PTPN14: variants seen among roughly 807,000 people sequenced by gnomAD.
The protein encoded by PTPN14 is tyrosine-protein phosphatase non-receptor type 14.
Under a neutral mutation model 126.8 loss-of-function variants are expected in PTPN14, and 53 were observed. The ratio of observed to expected loss-of-function variants is 0.42; its 90% CI spans 0.34 to 0.53. PTPN14 has a LOEUF of 0.53. Among genes scored for constraint, PTPN14 ranks in the 20% least tolerant of loss-of-function variants. The pLI, the probability that PTPN14 is intolerant of heterozygous loss-of-function variation, is 0.08. For missense variants in PTPN14, 1,257 were observed against 1,552.9 expected (o/e 0.81, Z 3.20); for synonymous variants, 630 against 599.3 (o/e 1.05, Z -0.75).
chr1:214,391,476 AG>A lies in PTPN14; in HGVS notation c.930-432del, dbSNP rs144163693. ...TTCCAGTCAAATGAAAATACAAAAT[AG>A]ATACAATATTTTTAGTGTGACCATA... On this transcript the variant is annotated intron_variant, in intron 10 of 18. Coordinates refer to ENST00000366956, the MANE Select transcript of PTPN14 (RefSeq NM_005401.5). Among the ~76,000 whole-genome samples, 966 of 152,310 alleles carry A rather than the reference AG, an allele frequency of 6.3e-3. 10 individuals carry two copies. Among genetic ancestry groups the A allele is most frequent in the African/African-American group, 0.022 (917 of 41,584 alleles).
intron 1 of PTPN14, among the ~76,000 whole-genome samples, chr1:214,494,830 G>C (rs928205915): frequency 2.0e-5 from 3 of 152,182 alleles, no homozygotes; most frequent in African/African-American, 7.2e-5. Flanking sequence ...AATATTCAAG[G>C]AAAAGGAAGA....
chr1:214,501,317 G>C (rs115575776), intron 1 of PTPN14, among the ~76,000 whole-genome samples: 6,390 of 152,170 alleles, frequency 0.042, 209 homozygotes, highest in Middle Eastern at 0.12. Context: ...TCAACTCAGT[G>C]CAACCTCCGC....
intron 11 of PTPN14, among the ~76,000 whole-genome samples, chr1:214,387,476 A>T (rs1469277176): frequency 6.6e-6 from 1 of 152,130 alleles, no homozygotes; most frequent in East Asian, 1.9e-4. Context: ...GTGCCACTGC[A>T]CTTCAGGTTG....
intron 4 of PTPN14, 36 bp from the exon 5 acceptor site, chr1:214,411,787 T>C: frequency 7.4e-7 from 1 of 1,355,132 alleles, no homozygotes; most frequent in South Asian, 1.3e-5. Context: ...CAGTATTTAT[T>C]ATATGAAATT....
At chr1:214,460,471 CCA>C (rs1280420708) in intron 2 of PTPN14, among the ~76,000 whole-genome samples, 3 of 144,924 alleles carry the variant, frequency 2.1e-5, no homozygotes, top group Admixed American at 1.4e-4. Flanking sequence ...AAATTCCCCT[CCA>C]CACACACACA....
chr1:214,523,958 T>TC (rs1266391536), intron 1 of PTPN14, among the ~76,000 whole-genome samples: 1 of 151,424 alleles, frequency 6.6e-6, no homozygotes, highest in Non-Finnish European at 1.5e-5. Flanking sequence ...CAAGTGATTC[T>TC]CCTGCCTCAG....
chr1:214,456,746 T>G (rs557196813), intron 2 of PTPN14, among the ~76,000 whole-genome samples: 1 of 152,292 alleles, frequency 6.6e-6, no homozygotes, highest in African/African-American at 2.4e-5. Flanking sequence ...CCACAATCTC[T>G]ATACCTAGAA....
intron 1 of PTPN14, chr1:214,529,455 G>T (rs1486300631): frequency 6.6e-6 from 1 of 152,252 alleles, no homozygotes; most frequent in Non-Finnish European, 1.5e-5. Flanking sequence ...ACACAAGTTG[G>T]CTATCTATTT....
chr1:214,415,868 GAGTT>G (rs1333325397), intron 3 of PTPN14, among the ~76,000 whole-genome samples: 1 of 152,150 alleles, frequency 6.6e-6, no homozygotes, highest in Non-Finnish European at 1.5e-5. Flanking sequence ...CAAACACTGG[GAGTT>G]ACTTAAAAAT....
In PTPN14 at chr1:214,400,415, A is replaced by G. The variant is rs1417915137; in HGVS notation, c.669+1270T>C. On this transcript the variant is annotated intron_variant, in intron 7 of 18. Coordinates refer to ENST00000366956, the MANE Select transcript of PTPN14 (RefSeq NM_005401.5). ...GCTTGGCAATAAGTCAGAAGCGCCTATCTTCCAACTCAGAGGAAGGTATTA... is the reference window on the plus strand; with the variant it reads ...GCTTGGCAATAAGTCAGAAGCGCCTGTCTTCCAACTCAGAGGAAGGTATTA... Among the ~76,000 whole-genome samples the G allele has an allele frequency of 7.9e-5, 12 of 152,338 alleles. No individual in the cohort carries two copies. In the East Asian group the frequency reaches 2.1e-3, roughly 27 times the overall value.
In PTPN14 at chr1:214,402,966, A is replaced by G. The variant is rs909427501; in HGVS notation, c.511-13T>C. ...CCAGGGCCAAATCCTATAAGAATAG[A>G]AAGTGCTTAAGGTCACATGAGGGTG... On this transcript the variant is annotated splice_polypyrimidine_tract_variant and intron_variant, in intron 5 of 18. Transcript: ENST00000366956. The G allele has an allele frequency of 6.2e-7, 1 of 1,613,526 alleles. No individual in the cohort carries two copies. The highest frequency in any genetic ancestry group is 8.5e-7 in the Non-Finnish European group (1 of 1,179,492).
At chr1:214,449,678 T>C (rs2102631551) in intron 3 of PTPN14, among the ~76,000 whole-genome samples, 1 of 152,284 alleles carries the variant, frequency 6.6e-6, no homozygotes, top group Non-Finnish European at 1.5e-5. Flanking sequence ...CTTGGATATG[T>C]GAATCAACTT....
At chr1:214,547,986 T>A (rs568048876) in intron 1 of PTPN14, among the ~76,000 whole-genome samples, 1 of 151,178 alleles carries the variant, frequency 6.6e-6, no homozygotes, top group African/African-American at 2.4e-5. Flanking sequence ...CTGAAAAAAA[T>A]CACACACAAA....
chr1:214,428,972 G>C (rs990029750), intron 3 of PTPN14, among the ~76,000 whole-genome samples: 6 of 152,306 alleles, frequency 3.9e-5, no homozygotes, highest in Non-Finnish European at 5.9e-5. Context: ...TCTGCCATCT[G>C]AAGTTTCTTG....
intron 2 of PTPN14, among the ~76,000 whole-genome samples, chr1:214,454,495 G>C (rs568652035): frequency 6.6e-6 from 1 of 152,128 alleles, no homozygotes; most frequent in East Asian, 1.9e-4. Context: ...CTCAGAGAAA[G>C]AATATTCCAT....
chr1:214,414,580 G>T, intron 4 of PTPN14, 49 bp downstream of exon 4: 1 of 1,521,118 alleles, frequency 6.6e-7, no homozygotes, highest in South Asian at 1.1e-5. Flanking sequence ...GCAACACCAT[G>T]ATCAAACAGA....
chr1:214,427,861 G>A (rs1219732810), intron 3 of PTPN14, among the ~76,000 whole-genome samples: 1 of 152,204 alleles, frequency 6.6e-6, no homozygotes, highest in Non-Finnish European at 1.5e-5. Context: ...GGAATGGCAA[G>A]TAGAAAGGCT....
chr1:214,533,673 T>C (rs1655620096), intron 1 of PTPN14, among the ~76,000 whole-genome samples: 2 of 151,188 alleles, frequency 1.3e-5, no homozygotes, highest in African/African-American at 4.9e-5. Flanking sequence ...CTACTAAAAA[T>C]ACAAAAACAA....
chr1:214,534,499 G>T (rs939163011), intron 1 of PTPN14, among the ~76,000 whole-genome samples: 1 of 151,930 alleles, frequency 6.6e-6, no homozygotes, highest in Non-Finnish European at 1.5e-5. Flanking sequence ...GGATCACGAG[G>T]TCAGGAGATC....
Sources: gnomAD v4.1 joint callset for allele counts (sites outside exome capture counted in the v4.1 genomes callset) on GRCh38, gnomAD v4.1.1 for gene constraint, MANE v1.5 for transcripts, NCBI Gene and HGNC (gene_info 2026-07-23, HGNC 2026-07-21) for gene names.